TOMM7: variants seen among roughly 807,000 people sequenced by gnomAD.
The protein encoded by TOMM7 is translocase of outer mitochondrial membrane 7.
Under a neutral mutation model 9.5 loss-of-function variants are expected in TOMM7, and 8 were observed. The observed-to-expected ratio is 0.84, with a 90% CI of 0.49 to 1.51. The LOEUF (loss-of-function observed/expected upper bound fraction) is 1.51, where lower values mean the gene tolerates loss of function less well. TOMM7 is among the 40% of genes most tolerant of loss of function. The probability of loss-of-function intolerance (pLI) is 0.00; values close to 1 mark genes in which losing one functional copy is unlikely to be tolerated. For synonymous variants in TOMM7, 27 were observed against 21.4 expected, an observed-to-expected ratio of 1.26 and a Z score of -0.72; for missense variants, 74 against 63.7, an observed-to-expected ratio of 1.16 and a Z score of -0.55.
At chr7:22,817,887 C>T in intron 2 of TOMM7, 113 bp downstream of exon 2, 2 of 1,019,002 alleles carry the variant, frequency 2.0e-6, no homozygotes, top group African/African-American at 1.6e-5. Flanking sequence ...CAAAACTATA[C>T]TGACTGATAA....
chr7:22,819,769 A>G (rs1782363135), intron 1 of TOMM7, among the ~76,000 whole-genome samples: 1 of 152,190 alleles, frequency 6.6e-6, no homozygotes, highest in Non-Finnish European at 1.5e-5. Context: ...ACATCCTCAA[A>G]AGATAATATG....
intron 1 of TOMM7, chr7:22,822,315 C>T (rs1204246579): frequency 3.9e-6 from 6 of 1,521,076 alleles, no homozygotes; most frequent in Admixed American, 2.1e-5. Context: ...CTTAGGACCA[C>T]ATGGAGCGGT....
intron 2 of TOMM7, among the ~76,000 whole-genome samples, chr7:22,814,034 A>G (rs1239634211): frequency 3.7e-4 from 56 of 150,618 alleles, no homozygotes; most frequent in Non-Finnish European, 2.9e-5. Context: ...CACACAGTTA[A>G]GATATGAAAA....
At position 22,822,055 on chromosome 7, in the gene TOMM7, C is replaced by G. The variant is rs550824365; in HGVS notation, c.103+622G>C. On this transcript the variant is annotated intron_variant, in intron 1 of 2. Coordinates refer to ENST00000358435, the MANE Select transcript of TOMM7 (RefSeq NM_019059.5). ...TTTAAGTGCGCTATAATGGTTAAGA[C>G]TATGGGCTCTGATGCCCCACTGCCT... is the stretch of plus-strand genomic sequence containing the variant. 212 of 1,376,956 alleles carry G rather than the reference C, an allele frequency of 1.5e-4. 1 individual carries two copies. The African/African-American group carries it at 2.8e-3, about 18-fold the overall frequency. 85.3% of individuals were successfully genotyped at this position (1,376,956 alleles called of 1,614,324 possible). A position where few individuals can be genotyped will look rare whatever the true frequency, so the allele number is the denominator to read the frequency against.
chr7:22,816,247 A>G (rs1273789756), intron 2 of TOMM7, among the ~76,000 whole-genome samples: 1 of 152,206 alleles, frequency 6.6e-6, no homozygotes, highest in Non-Finnish European at 1.5e-5. Context: ...TAAAAAGGGG[A>G]GATGACAGCT....
At chr7:22,818,688 T>C (rs1023500606) in intron 1 of TOMM7, among the ~76,000 whole-genome samples, 1 of 152,194 alleles carries the variant, frequency 6.6e-6, no homozygotes, top group African/African-American at 2.4e-5. Flanking sequence ...TTATTAGTCA[T>C]TTACCCAGAA....
At position 22,820,092 on chromosome 7, in the gene TOMM7, T is replaced by G. The variant is rs188960801; in HGVS notation, c.104-2044A>C. Among the ~76,000 whole-genome samples the G allele has an allele frequency of 3.9e-3, 595 of 152,264 alleles. 4 individuals carry two copies. Among genetic ancestry groups the G allele is most frequent in the African/African-American group, 0.014 (578 of 41,554 alleles). ...GGCCCATTCCTATAATCCCAGCACT[T>G]TGGGAGGCCAAGATCGAAGATCACT... is the stretch of plus-strand genomic sequence containing the variant. On this transcript the variant is annotated intron_variant, in intron 1 of 2. Transcript: ENST00000358435.
chr7:22,820,022 G>C (rs1232302825), intron 1 of TOMM7, among the ~76,000 whole-genome samples: 3 of 152,142 alleles, frequency 2.0e-5, no homozygotes, highest in Admixed American at 1.3e-4. Context: ...TTTAGTGAGA[G>C]TTGAGGTGGA....
In TOMM7 at chr7:22,822,681, G is replaced by A. The variant is rs749032737; in HGVS notation, c.99C>T (p.Tyr33=). 3 of 1,613,190 alleles carry A rather than the reference G, an allele frequency of 1.9e-6. No homozygotes were observed. Among genetic ancestry groups the A allele is most frequent in the Middle Eastern group, 1.6e-4 (1 of 6,080 alleles). Reference sequence around the variant, plus strand: ...CCCGGTTCTTCTCCCACTGACCCAGGTAAATCACAAGAGGGATAAAGCCCC... The same window carrying A: ...CCCGGTTCTTCTCCCACTGACCCAGATAAATCACAAGAGGGATAAAGCCCC... ...IRWGFIPLVI[Y]LGFKRGADPG... is the part of the protein sequence containing the mutation. The change falls in exon 1 of 3, where the codon TAC becomes TAT. Residue 33 remains tyrosine, a synonymous_variant. Transcript: ENST00000358435.
Position 22,822,842 on chromosome 7 carries a change from G to A in TOMM7, c.-63C>T, listed in dbSNP as rs1236337791. On this transcript the variant is annotated 5_prime_UTR_variant, in exon 1 of 3. Transcript: ENST00000358435. ...CAACCACAGCGTCGGGAATCCGAAA[G>A]GGAAAGGAGGTGCGCAGGCGCCACA... is the stretch of plus-strand genomic sequence containing the variant. 8 of 1,379,694 alleles carry A rather than the reference G, an allele frequency of 5.8e-6. No individual in the cohort carries two copies. The East Asian group carries it at 9.2e-5, about 16-fold the overall frequency. The allele number at this position is 1,379,694 out of a possible 1,614,324, so 85.5% of individuals were successfully genotyped here.
intron 1 of TOMM7, among the ~76,000 whole-genome samples, chr7:22,819,375 C>T (rs1583463885): frequency 6.7e-6 from 1 of 149,322 alleles, no homozygotes; most frequent in African/African-American, 2.5e-5. Context: ...AAACACTATT[C>T]TTTTTTTTTT....
At chr7:22,819,640 G>A (rs8180849) in intron 1 of TOMM7, among the ~76,000 whole-genome samples, 17,591 of 152,230 alleles carry the variant, frequency 0.12, 1,106 homozygotes, top group Non-Finnish European at 0.14. Flanking sequence ...TGCACATGTG[G>A]TGGATTGCAC....
chr7:22,822,341 G>A (rs374149831), intron 1 of TOMM7: 1 of 1,459,170 alleles, frequency 6.9e-7, no homozygotes. Context: ...AAAACACCCC[G>A]AGAACCACCT....
chr7:22,814,473 T>A (rs1782291733), intron 2 of TOMM7, among the ~76,000 whole-genome samples: 1 of 151,898 alleles, frequency 6.6e-6, no homozygotes, highest in South Asian at 2.1e-4. Flanking sequence ...GAGCCATGAC[T>A]GCGCCACTGC....
intron 1 of TOMM7, chr7:22,822,471 G>A (rs1311506620): frequency 2.8e-6 from 2 of 706,980 alleles, no homozygotes; most frequent in East Asian, 2.7e-5. Context: ...GGGATTGCAA[G>A]ACTGCTTAAA....
chr7:22,820,883 T>G (rs1040771224), intron 1 of TOMM7, among the ~76,000 whole-genome samples: 11 of 152,336 alleles, frequency 7.2e-5, no homozygotes, highest in South Asian at 2.1e-4. Context: ...ATCAGTTGGC[T>G]TGCAACTCAT....
chr7:22,822,106 T>C (rs1782401061), intron 1 of TOMM7: 12 of 1,545,712 alleles, frequency 7.8e-6, no homozygotes, highest in Non-Finnish European at 8.7e-6. Context: ...TCAGTCAGCA[T>C]AGCTGTGCGA....
At chr7:22,819,648 C>T (rs1782361569) in intron 1 of TOMM7, among the ~76,000 whole-genome samples, 1 of 152,198 alleles carries the variant, frequency 6.6e-6, no homozygotes, top group Non-Finnish European at 1.5e-5. Flanking sequence ...TGGTGGATTG[C>T]ACTGCAGGAG....
chr7:22,822,466 T>C, intron 1 of TOMM7: 1 of 707,310 alleles, frequency 1.4e-6, no homozygotes, highest in South Asian at 1.9e-5. Context: ...AAGGAGGGAT[T>C]GCAAGACTGC....
Sources: gnomAD v4.1 joint callset for allele counts (sites outside exome capture counted in the v4.1 genomes callset) on GRCh38, gnomAD v4.1.1 for gene constraint, MANE v1.5 for transcripts, NCBI Gene and HGNC (gene_info 2026-07-23, HGNC 2026-07-21) for gene names.